Variants in ZFHX3 observed in about 807,000 individuals in gnomAD.
ZFHX3 encodes zinc finger homeobox 3.
Under a neutral mutation model 279.1 loss-of-function variants are expected in ZFHX3, and 42 were observed. The observed-to-expected ratio is 0.15, with a 90% CI of 0.12 to 0.19. The LOEUF is 0.19. Ranked by LOEUF, ZFHX3 falls within the 10% of genes least tolerant of loss-of-function variation. The pLI is 1.00. For missense variants in ZFHX3, 4,981 were observed against 4,754.0 expected (o/e 1.05, Z -1.40); for synonymous variants, 2,293 against 1,957.8 (o/e 1.17, Z -4.52).
chr16:73,059,563 T>TCTCTCTCTCTCTCTCTCTC (rs1597142849), exon 1 of ZFHX3: 1 of 137,106 alleles, frequency 7.3e-6, no homozygotes, highest in East Asian at 2.0e-4. Flanking sequence ...TCTCTCTCTC[T>TCTCTCTCTCTCTCTCTCTC]AAGCAAACGC....
intron 2 of ZFHX3, among the ~76,000 whole-genome samples, chr16:73,621,887 G>A (rs1004401352): frequency 6.6e-6 from 1 of 152,242 alleles, no homozygotes; most frequent in Non-Finnish European, 1.5e-5. Context: ...GCACAAGACA[G>A]GAGGATATGA....
chr16:73,198,843 C>A (rs903619867), intron 5 of ZFHX3, among the ~76,000 whole-genome samples: 1 of 152,202 alleles, frequency 6.6e-6, no homozygotes, highest in African/African-American at 2.4e-5. Context: ...TTTCCCCCAA[C>A]CTACTTGTTA....
chr16:73,889,811 G>C (rs2030469554), intron 1 of ZFHX3, among the ~76,000 whole-genome samples: 1 of 152,062 alleles, frequency 6.6e-6, no homozygotes, highest in African/African-American at 2.4e-5. Flanking sequence ...CTTTCTGTAG[G>C]CCAATCCCAT....
intron 4 of ZFHX3, among the ~76,000 whole-genome samples, chr16:72,850,253 GT>G (rs1417148895): frequency 1.3e-5 from 2 of 152,158 alleles, no homozygotes; most frequent in African/African-American, 4.8e-5. Flanking sequence ...ACACCCACCA[GT>G]GTCTACCTCA....
intron 5 of ZFHX3, among the ~76,000 whole-genome samples, chr16:73,217,352 T>G (rs2012251205): frequency 6.6e-6 from 1 of 152,190 alleles, no homozygotes; most frequent in South Asian, 2.1e-4. Context: ...TCAGACACCT[T>G]CCTTTGAAAT....
Position 73,357,711 on chromosome 16 carries a change from C to T in ZFHX3, c.-1290-39375G>A, listed in dbSNP as rs59586245. 7.4e-3 allele frequency among the ~76,000 whole-genome samples: 1,121 copies of T among 152,230 alleles called. 7 individuals are homozygous for T. The highest frequency in any genetic ancestry group is 0.026 in the African/African-American group (1,064 of 41,544). On this transcript the variant is annotated intron_variant, in intron 3 of 17. Transcript: ENST00000641206. ...CTGTACCTGGCAGGAATTTTTAGGGCGTGAGAATTTGAACCGTGGCCTGTG... is the reference window on the plus strand; with the variant it reads ...CTGTACCTGGCAGGAATTTTTAGGGTGTGAGAATTTGAACCGTGGCCTGTG...
At chr16:73,226,296 G>C (rs568609570) in intron 5 of ZFHX3, among the ~76,000 whole-genome samples, 1 of 152,334 alleles carries the variant, frequency 6.6e-6, no homozygotes, top group South Asian at 2.1e-4. Flanking sequence ...CCTGCAATAA[G>C]ACAGCGCGGA....
intron 7 of ZFHX3, among the ~76,000 whole-genome samples, chr16:72,805,112 G>A (rs1028603541): frequency 6.6e-6 from 1 of 152,024 alleles, no homozygotes; most frequent in Admixed American, 6.6e-5. Context: ...CGAGTAGCTG[G>A]GATTACAGAT....
intron 2 of ZFHX3, among the ~76,000 whole-genome samples, chr16:73,561,832 T>A (rs922659702): frequency 6.6e-6 from 1 of 152,180 alleles, no homozygotes; most frequent in African/African-American, 2.4e-5. Context: ...GCCCTCATAG[T>A]GTATTTGATC....
intron 2 of ZFHX3, among the ~76,000 whole-genome samples, chr16:73,640,706 C>T (rs1288152362): frequency 1.8e-5 from 2 of 111,656 alleles, no homozygotes; most frequent in Non-Finnish European, 3.6e-5. Context: ...TATATCCAGG[C>T]AAGTTCAACA....
upstream of ZFHX3, among the ~76,000 whole-genome samples, chr16:73,051,193 C>T (rs1005388499): frequency 6.6e-6 from 1 of 152,136 alleles, no homozygotes; most frequent in Non-Finnish European, 1.5e-5. Context: ...TTAAATTATA[C>T]GTATACATTG....
At chr16:73,739,108 C>G (rs1318201164) in intron 1 of ZFHX3, among the ~76,000 whole-genome samples, 1 of 152,208 alleles carries the variant, frequency 6.6e-6, no homozygotes, top group African/African-American at 2.4e-5. Context: ...CACTATTCTC[C>G]CTTTTGCTCA....
At position 73,477,131 on chromosome 16, in the gene ZFHX3, G is replaced by A. The variant is rs552996652; in HGVS notation, c.-1546-20873C>T. Among the ~76,000 whole-genome samples the A allele has an allele frequency of 2.0e-5, 3 of 152,302 alleles. No homozygotes were observed. The East Asian group carries it at 5.8e-4, about 29-fold the overall frequency. On this transcript the variant is annotated intron_variant, in intron 2 of 17. Transcript: ENST00000641206. ...TAACAATGAAAAATCATGCTTTGTA[G>A]AAGAATCTGTAAGCCCACCTGCTAC...
At chr16:73,746,776 T>C (rs1389765229) in intron 1 of ZFHX3, among the ~76,000 whole-genome samples, 1 of 152,198 alleles carries the variant, frequency 6.6e-6, no homozygotes, top group Admixed American at 6.5e-5. Flanking sequence ...CCTGAAATTA[T>C]CATTTATATG....
At chr16:73,887,681 G>A (rs978433206) in intron 1 of ZFHX3, among the ~76,000 whole-genome samples, 1 of 151,802 alleles carries the variant, frequency 6.6e-6, no homozygotes. Flanking sequence ...GGTGAGAAAA[G>A]GTAAACACAA....
At chr16:73,219,262 A>C (rs1422480706) in intron 5 of ZFHX3, among the ~76,000 whole-genome samples, 1 of 152,210 alleles carries the variant, frequency 6.6e-6, no homozygotes, top group African/African-American at 2.4e-5. Context: ...TCACAGAAAC[A>C]GCATACAGAC....
intron 7 of ZFHX3, among the ~76,000 whole-genome samples, chr16:73,119,220 C>T (rs1049739116): frequency 4.2e-4 from 64 of 152,144 alleles, no homozygotes; most frequent in African/African-American, 1.5e-3. Flanking sequence ...CCTCCTGCCT[C>T]AGCCTCCTGA....
intron 5 of ZFHX3, among the ~76,000 whole-genome samples, chr16:73,205,218 C>T (rs937018403): frequency 2.6e-5 from 4 of 152,096 alleles, no homozygotes; most frequent in Non-Finnish European, 5.9e-5. Context: ...GTATATCTAA[C>T]CCACCTTGAG....
chr16:73,819,627 C>T (rs567273967), intron 1 of ZFHX3, among the ~76,000 whole-genome samples: 169 of 151,846 alleles, frequency 1.1e-3, no homozygotes, highest in South Asian at 2.5e-3. Flanking sequence ...AAGAGACTTC[C>T]GAGAACTAAA....
Sources: gnomAD v4.1 joint callset for allele counts (sites outside exome capture counted in the v4.1 genomes callset) on GRCh38, gnomAD v4.1.1 for gene constraint, MANE v1.5 for transcripts, NCBI Gene and HGNC (gene_info 2026-07-23, HGNC 2026-07-21) for gene names.